The following RAB2A variants were observed in gnomAD, a reference collection of about 807,000 sequenced individuals.
RAB2A encodes the protein RAB2A, member RAS oncogene family.
A neutral mutation model predicts 32.5 loss-of-function variants in RAB2A; 7 were observed. That is an observed-to-expected ratio of 0.22 (90% CI 0.12 to 0.40). The LOEUF (loss-of-function observed/expected upper bound fraction) is 0.40. Among genes scored for constraint, RAB2A ranks in the 10% least tolerant of loss-of-function variants. The pLI, the probability that RAB2A is intolerant of heterozygous loss-of-function variation, is 1.00. For synonymous variants in RAB2A, 79 were observed against 85.2 expected (o/e 0.93, Z 0.40); for missense variants, 108 against 260.7 (o/e 0.41, Z 4.03).
intron 1 of RAB2A, among the ~76,000 whole-genome samples, chr8:60,547,869 C>G (rs1338180187): frequency 1.7e-5 from 2 of 117,110 alleles, no homozygotes; most frequent in Non-Finnish European, 1.8e-5. Flanking sequence ...GGCGGCTGGC[C>G]GGGCGGGGGG....
intron 2 of RAB2A, among the ~76,000 whole-genome samples, chr8:60,567,649 T>A (rs1808135530): frequency 6.6e-6 from 1 of 152,020 alleles, no homozygotes; most frequent in Non-Finnish European, 1.5e-5. Context: ...ATGTTTTCAC[T>A]TATTCAGACT....
chr8:60,565,281 T>C (rs1808090722), intron 2 of RAB2A, among the ~76,000 whole-genome samples: 1 of 152,076 alleles, frequency 6.6e-6, no homozygotes, highest in Non-Finnish European at 1.5e-5. Flanking sequence ...TAGTCAGGCA[T>C]GGTGGCACAC....
At chr8:60,530,144 C>CTTTT (rs1270851648) in intron 1 of RAB2A, among the ~76,000 whole-genome samples, 3 of 104,152 alleles carry the variant, frequency 2.9e-5, no homozygotes, top group African/African-American at 3.7e-5. Flanking sequence ...ATTTTTTTTT[C>CTTTT]TTTTTTTTTT....
In RAB2A at chr8:60,593,299, C is replaced by T. The variant is rs1803971132; in HGVS notation, c.474+1330C>T. On this transcript the variant is annotated intron_variant, in intron 6 of 7. Coordinates refer to ENST00000262646, the MANE Select transcript of RAB2A (RefSeq NM_002865.3). ...CTACTACACACTTCCCTTAGTAGAC[C>T]TTGGTGCCAGAGGAATGACACAGTG... Among the ~76,000 whole-genome samples the T allele has an allele frequency of 2.0e-5, 3 of 152,256 alleles. No homozygotes were observed. The South Asian group carries it at 6.2e-4, about 32-fold the overall frequency.
At chr8:60,537,237 T>C (rs76285660) in intron 1 of RAB2A, among the ~76,000 whole-genome samples, 3 of 152,236 alleles carry the variant, frequency 2.0e-5, no homozygotes, top group Non-Finnish European at 4.4e-5. Flanking sequence ...ATTTTTTTTT[T>C]GGAAACAGAG....
chr8:60,524,131 T>G (rs1456833663), intron 1 of RAB2A, among the ~76,000 whole-genome samples: 1 of 152,152 alleles, frequency 6.6e-6, no homozygotes, highest in East Asian at 1.9e-4. Flanking sequence ...TTACCTTTCT[T>G]AAACTCCTCT....
At position 60,517,074 on chromosome 8, in the gene RAB2A, G is replaced by A. The variant is rs2130800478; in HGVS notation, c.-134G>A. 1 of 897,662 alleles carries A rather than the reference G, an allele frequency of 1.1e-6. No homozygotes were observed. The highest frequency in any genetic ancestry group is 1.6e-6 in the Non-Finnish European group (1 of 631,332). 55.6% of individuals were successfully genotyped at this position (897,662 alleles called of 1,614,324 possible). ...GCTTCCTCACAGCCCCTCACTCCCG[G>A]CGGCTGACAGCAGCAGCGGCGGCGG... On this transcript the variant is annotated 5_prime_UTR_variant, in exon 1 of 8. Transcript: ENST00000262646.
intron 2 of RAB2A, among the ~76,000 whole-genome samples, chr8:60,571,737 G>A (rs1026749401): frequency 6.6e-6 from 1 of 151,924 alleles, no homozygotes; most frequent in Non-Finnish European, 1.5e-5. Context: ...TAATAATTAT[G>A]GCTCTTGGAT....
chr8:60,584,311 C>T (rs764815315), intron 4 of RAB2A, 21 bp downstream of exon 4: 2 of 1,545,264 alleles, frequency 1.3e-6, no homozygotes, highest in Non-Finnish European at 1.8e-6. Context: ...GAAAACTTTG[C>T]AATTCAGTAG....
intron 1 of RAB2A, among the ~76,000 whole-genome samples, chr8:60,532,322 C>A (rs910434948): frequency 6.6e-6 from 1 of 151,862 alleles, no homozygotes; most frequent in Non-Finnish European, 1.5e-5. Flanking sequence ...TATATGTGTC[C>A]CAAATTATTT....
chr8:60,584,824 G>C lies in RAB2A; in HGVS notation c.362+9G>C. On this transcript the variant is annotated intron_variant, in intron 5 of 7. Transcript: ENST00000262646. The stretch of plus-strand genomic sequence containing the variant: ...CTTATTGGAAATAAAAGGTAAAAAG[G>C]CTAATTTAGAGCTTACATTGCATTA... The C allele has an allele frequency of 6.3e-7, 1 of 1,594,486 alleles. No homozygotes were observed. The highest frequency in any genetic ancestry group is 8.6e-7 in the Non-Finnish European group (1 of 1,163,012).
intron 6 of RAB2A, among the ~76,000 whole-genome samples, chr8:60,598,798 C>CA (rs915226510): frequency 5.3e-5 from 8 of 150,330 alleles, no homozygotes; most frequent in South Asian, 2.1e-4. Flanking sequence ...GAACACACAC[C>CA]AAAAAAAAAC....
At chr8:60,589,520 C>CA (rs1803901362) in intron 5 of RAB2A, among the ~76,000 whole-genome samples, 5 of 151,978 alleles carry the variant, frequency 3.3e-5, no homozygotes, top group Admixed American at 2.6e-4. Context: ...CTTACTATGG[C>CA]ATTTTATTAA....
intron 2 of RAB2A, among the ~76,000 whole-genome samples, chr8:60,559,769 A>G (rs1213314057): frequency 6.6e-6 from 1 of 152,222 alleles, no homozygotes; most frequent in Non-Finnish European, 1.5e-5. Context: ...TTTACAACGA[A>G]TTGCTTAATG....
intron 1 of RAB2A, chr8:60,558,492 A>T (rs747707593): frequency 2.0e-6 from 1 of 507,782 alleles, no homozygotes; most frequent in East Asian, 5.4e-5. Flanking sequence ...TGAACTATTA[A>T]CTATGCTTTA....
At chr8:60,582,532 T>G (rs1803779170) in intron 3 of RAB2A, among the ~76,000 whole-genome samples, 4 of 152,190 alleles carry the variant, frequency 2.6e-5, no homozygotes, top group African/African-American at 7.2e-5. Context: ...TTTTTGTTTT[T>G]GTTTTTGGAG....
chr8:60,517,993 T>C (rs1191329342), intron 1 of RAB2A, among the ~76,000 whole-genome samples: 1 of 152,006 alleles, frequency 6.6e-6, no homozygotes, highest in African/African-American at 2.4e-5. Context: ...GGGTGTGTAC[T>C]TAGGTATGTG....
In RAB2A at chr8:60,596,721, A is replaced by T. The variant is rs990217412; in HGVS notation, c.474+4752A>T. Among the ~76,000 whole-genome samples, 5 of 152,144 alleles carry T rather than the reference A, an allele frequency of 3.3e-5. No individual in the cohort carries two copies. In the East Asian group the frequency reaches 9.7e-4, roughly 29 times the overall value. Reference sequence around the variant, plus strand: ...GCGGATCACAAGGTCAGGAGATGAGACCATCCTGGCTAACAGGGTGAAACC... The same window carrying T: ...GCGGATCACAAGGTCAGGAGATGAGTCCATCCTGGCTAACAGGGTGAAACC... On this transcript the variant is annotated intron_variant, in intron 6 of 7. Transcript: ENST00000262646.
At chr8:60,521,440 T>G (rs766735567) in intron 1 of RAB2A, among the ~76,000 whole-genome samples, 1 of 152,184 alleles carries the variant, frequency 6.6e-6, no homozygotes, top group East Asian at 1.9e-4. Context: ...TACAAGGTTA[T>G]GTAGGGAAGA....
Sources: allele counts gnomAD v4.1 joint callset (sites outside exome capture counted in the v4.1 genomes callset), GRCh38; gene constraint gnomAD v4.1.1; transcripts MANE v1.5; gene names NCBI Gene and HGNC (gene_info 2026-07-23, HGNC 2026-07-21).